The following DLG2 variants were observed in gnomAD, a reference collection of about 807,000 sequenced individuals.
DLG2 encodes the protein disks large homolog 2.
A neutral mutation model predicts 132.5 loss-of-function variants in DLG2; 45 were observed. The ratio of observed to expected loss-of-function variants is 0.34; its 90% CI spans 0.27 to 0.44. The LOEUF is 0.44. Among genes scored for constraint, DLG2 ranks in the 20% least tolerant of loss-of-function variants. DLG2 has a pLI of 1.00. For synonymous variants in DLG2, 424 were observed against 419.6 expected (o/e 1.01, Z -0.13); for missense variants, 1,045 against 1,196.9 (o/e 0.87, Z 1.87).
At chr11:85,178,956 C>G (rs1485536171) in intron 4 of DLG2, among the ~76,000 whole-genome samples, 9 of 151,820 alleles carry the variant, frequency 5.9e-5, no homozygotes, top group South Asian at 2.1e-4. Flanking sequence ...TGAATAAATA[C>G]AGCTGAGAAT....
chr11:85,027,667 C>A (rs1446277856), intron 6 of DLG2, among the ~76,000 whole-genome samples: 1 of 152,226 alleles, frequency 6.6e-6, no homozygotes, highest in Non-Finnish European at 1.5e-5. Context: ...GCACAAGTGC[C>A]AGCTTCATGC....
At chr11:84,285,485 C>T (rs1241568583) in intron 7 of DLG2, among the ~76,000 whole-genome samples, 2 of 152,144 alleles carry the variant, frequency 1.3e-5, no homozygotes, top group African/African-American at 2.4e-5. Context: ...AGTTCTTCTG[C>T]CTCAAATCTT....
chr11:84,503,684 T>C (rs912024525), intron 7 of DLG2, among the ~76,000 whole-genome samples: 7 of 152,194 alleles, frequency 4.6e-5, no homozygotes, highest in East Asian at 1.9e-4. Flanking sequence ...GTTAAAATGA[T>C]AGATGGTCCT....
At chr11:84,473,363 G>A (rs372054029) in intron 7 of DLG2, among the ~76,000 whole-genome samples, 1 of 151,924 alleles carries the variant, frequency 6.6e-6, no homozygotes. Flanking sequence ...ACAAAAAGAT[G>A]GTTCTGCAGA....
At chr11:83,724,453 C>CCG (rs1221671116) in intron 18 of DLG2, among the ~76,000 whole-genome samples, 1 of 127,864 alleles carries the variant, frequency 7.8e-6, no homozygotes, top group Non-Finnish European at 1.6e-5. Context: ...ATCAATCTCT[C>CCG]TCTCCGTGTG....
Position 84,853,638 on chromosome 11 carries a change from G to C in DLG2, c.357+258023C>G, listed in dbSNP as rs79754330. Among the ~76,000 whole-genome samples the C allele has an allele frequency of 2.2e-4, 34 of 152,132 alleles. No individual in the cohort carries two copies. The East Asian group carries it at 6.6e-3, about 30-fold the overall frequency. ...GAATTGGAGAAAATCAGTCCAGCAA[G>C]ATAATGCTTTCCTCTGCCACATGAC... On this transcript the variant is annotated intron_variant, in intron 6 of 27. Transcript: ENST00000376104.
At chr11:85,547,871 A>G (rs2076428571) in intron 3 of DLG2, among the ~76,000 whole-genome samples, 1 of 152,066 alleles carries the variant, frequency 6.6e-6, no homozygotes, top group Non-Finnish European at 1.5e-5. Flanking sequence ...TGGTTATTCT[A>G]GTTAGCAATT....
chr11:85,126,352 T>C lies in DLG2; in HGVS notation c.283-14617A>G, dbSNP rs187026602. On this transcript the variant is annotated intron_variant, in intron 5 of 27. Coordinates refer to ENST00000376104, the MANE Select transcript of DLG2 (RefSeq NM_001142699.3). The stretch of plus-strand genomic sequence containing the variant: ...TGTAACTACTCATCTTTCAATAGGT[T>C]GCTGAGAGTGATGTTGTTGGGTTTG... 2.1e-3 allele frequency among the ~76,000 whole-genome samples: 318 copies of C among 152,344 alleles called. 2 individuals are homozygous for C. Among genetic ancestry groups the C allele is most frequent in the Non-Finnish European group, 6.2e-4 (42 of 68,018 alleles).
chr11:85,402,446 C>T (rs1218734635), intron 3 of DLG2, among the ~76,000 whole-genome samples: 1 of 152,116 alleles, frequency 6.6e-6, no homozygotes, highest in Non-Finnish European at 1.5e-5. Context: ...GACCCCATGA[C>T]TAAAACACCA....
chr11:84,202,678 G>C (rs945900061), intron 8 of DLG2, among the ~76,000 whole-genome samples: 5 of 152,054 alleles, frequency 3.3e-5, no homozygotes, highest in African/African-American at 1.2e-4. Context: ...AAAGTGAACA[G>C]ACAACATATA....
At chr11:83,684,881 C>T (rs1236724268) in intron 18 of DLG2, among the ~76,000 whole-genome samples, 1 of 152,020 alleles carries the variant, frequency 6.6e-6, no homozygotes, top group Non-Finnish European at 1.5e-5. Flanking sequence ...TTTCTCTGTT[C>T]CCCTGTCACG....
At chr11:85,170,196 A>T (rs914377707) in intron 4 of DLG2, among the ~76,000 whole-genome samples, 2 of 152,218 alleles carry the variant, frequency 1.3e-5, no homozygotes, top group African/African-American at 4.8e-5. Flanking sequence ...ATGACTGGAC[A>T]AAAAGGGGTA....
At chr11:84,393,782 T>C (rs2098801310) in intron 7 of DLG2, among the ~76,000 whole-genome samples, 1 of 152,166 alleles carries the variant, frequency 6.6e-6, no homozygotes, top group African/African-American at 2.4e-5. Context: ...AATTATAACG[T>C]TTACTTATCA....
At chr11:84,161,687 T>C (rs900105341) in intron 9 of DLG2, among the ~76,000 whole-genome samples, 15 of 152,128 alleles carry the variant, frequency 9.9e-5, no homozygotes, top group East Asian at 1.9e-4. Context: ...GTGATGTACA[T>C]TGGATAAGGA....
intron 7 of DLG2, among the ~76,000 whole-genome samples, chr11:84,398,432 A>G (rs1183863645): frequency 6.6e-6 from 1 of 152,218 alleles, no homozygotes; most frequent in Non-Finnish European, 1.5e-5. Flanking sequence ...ATCAAAATTA[A>G]TGGTGACCAG....
intron 16 of DLG2, among the ~76,000 whole-genome samples, chr11:83,841,956 A>G (rs1405235314): frequency 6.6e-6 from 1 of 152,248 alleles, no homozygotes. Flanking sequence ...GTGAGCAATA[A>G]GCTAAAGTAG....
chr11:84,683,712 G>A (rs11828437), intron 6 of DLG2, among the ~76,000 whole-genome samples: 2 of 152,160 alleles, frequency 1.3e-5, no homozygotes, highest in African/African-American at 4.8e-5. Context: ...TGCACTGAAA[G>A]CACCAATTAA....
intron 19 of DLG2, among the ~76,000 whole-genome samples, chr11:83,557,044 G>C (rs2096533547): frequency 6.6e-6 from 1 of 151,980 alleles, no homozygotes; most frequent in South Asian, 2.1e-4. Flanking sequence ...GGACCACCTT[G>C]AAACTGGCCT....
At chr11:83,643,926 T>C (rs2067341346) in intron 18 of DLG2, among the ~76,000 whole-genome samples, 1 of 152,092 alleles carries the variant, frequency 6.6e-6, no homozygotes, top group Non-Finnish European at 1.5e-5. Flanking sequence ...AACATGTCCA[T>C]GGCTGTCTCA....
Sources: allele counts gnomAD v4.1 joint callset (sites outside exome capture counted in the v4.1 genomes callset), GRCh38; gene constraint gnomAD v4.1.1; transcripts MANE v1.5; gene names NCBI Gene and HGNC (gene_info 2026-07-23, HGNC 2026-07-21).